Variants in SLCO3A1 observed in about 807,000 individuals in gnomAD.
SLCO3A1 encodes the protein PGE1 transporter.
In SLCO3A1, 27 loss-of-function variants were observed where a neutral mutation model predicts 63.1. The ratio of observed to expected loss-of-function variants is 0.43; its 90% CI spans 0.32 to 0.59. The LOEUF is 0.59. Ranked by LOEUF, SLCO3A1 falls within the 20% of genes least tolerant of loss-of-function variation. The pLI is 0.09. For synonymous variants in SLCO3A1, 473 were observed against 409.9 expected (o/e 1.15, Z -1.86); for missense variants, 773 against 945.8 (o/e 0.82, Z 2.40).
At chr15:91,989,517 G>A (rs1050556007) in intron 2 of SLCO3A1, among the ~76,000 whole-genome samples, 2 of 152,170 alleles carry the variant, frequency 1.3e-5, no homozygotes, top group South Asian at 4.1e-4. Context: ...AAATGAATAG[G>A]ATGCAATCAC....
In SLCO3A1 at chr15:91,854,229, C is replaced by T; in HGVS notation, c.180+141C>T. On this transcript the variant is annotated intron_variant, in intron 1 of 9. Transcript: ENST00000318445. This position sits in a 1 kb window ranked among gnomAD's most constrained non-coding sequence, Gnocchi z 6.4. ...CCGGCGTGGAGGTTGGCGAGTGGTG[C>T]AGAGGCGGCCGCCGGGGGAGCTGCC... The T allele has an allele frequency of 9.1e-7, 1 of 1,095,926 alleles. No homozygotes were observed. The highest frequency in any genetic ancestry group is 1.2e-6 in the Non-Finnish European group (1 of 867,112). 67.9% of individuals were successfully genotyped at this position (1,095,926 alleles called of 1,614,324 possible). A position where few individuals can be genotyped will look rare whatever the true frequency, so the allele number is the denominator to read the frequency against.
chr15:92,045,707 A>G (rs577133268), intron 2 of SLCO3A1, among the ~76,000 whole-genome samples: 1 of 152,298 alleles, frequency 6.6e-6, no homozygotes, highest in Admixed American at 6.5e-5. Context: ...TGGACATTAT[A>G]TGATTTAGAA....
intron 1 of SLCO3A1, among the ~76,000 whole-genome samples, chr15:91,909,015 C>T (rs1898400173): frequency 1.3e-5 from 2 of 152,170 alleles, no homozygotes; most frequent in African/African-American, 4.8e-5. Context: ...GAGCCGAGGT[C>T]GCGCCATTGC....
intron 1 of SLCO3A1, among the ~76,000 whole-genome samples, chr15:91,914,241 CCTCT>C (rs766601093): frequency 1.3e-5 from 2 of 152,188 alleles, no homozygotes; most frequent in African/African-American, 2.4e-5. Flanking sequence ...TGTTTTGCTG[CCTCT>C]CTCCATGCAC....
Position 91,978,780 on chromosome 15 carries a change from G to C in SLCO3A1, c.646+62322G>C, listed in dbSNP as rs528413607. Among the ~76,000 whole-genome samples, 4 of 152,342 alleles carry C rather than the reference G, an allele frequency of 2.6e-5. No individual in the cohort carries two copies. The South Asian group carries it at 6.2e-4, about 24-fold the overall frequency. On this transcript the variant is annotated intron_variant, in intron 2 of 9. Coordinates refer to ENST00000318445, the MANE Select transcript of SLCO3A1 (RefSeq NM_013272.4). Reference sequence around the variant, plus strand: ...ATGAATACTACTGTTAGGAACAGGAGTCTCACAAAGGTTCAAACTTTCCAC... The same window carrying C: ...ATGAATACTACTGTTAGGAACAGGACTCTCACAAAGGTTCAAACTTTCCAC...
chr15:92,101,749 G>A (rs548052708), intron 3 of SLCO3A1, among the ~76,000 whole-genome samples: 1 of 152,330 alleles, frequency 6.6e-6, no homozygotes, highest in African/African-American at 2.4e-5. Flanking sequence ...AGTGATGAGT[G>A]TCTTGGATCT....
chr15:92,065,347 C>A (rs554887136), intron 2 of SLCO3A1, among the ~76,000 whole-genome samples: 1 of 152,190 alleles, frequency 6.6e-6, no homozygotes, highest in African/African-American at 2.4e-5. Context: ...CTCGGCCTCC[C>A]AAAATGCTGG....
chr15:91,921,300 A>G (rs1898835820), intron 2 of SLCO3A1, among the ~76,000 whole-genome samples: 1 of 152,146 alleles, frequency 6.6e-6, no homozygotes, highest in Non-Finnish European at 1.5e-5. Context: ...CACCCATATT[A>G]GCTCATTTAA....
At chr15:91,858,670 T>C (rs1896981459) in intron 1 of SLCO3A1, among the ~76,000 whole-genome samples, 1 of 152,238 alleles carries the variant, frequency 6.6e-6, no homozygotes, top group Non-Finnish European at 1.5e-5. Context: ...GCCCAGCATT[T>C]GCAGCTCATC....
chr15:92,030,904 A>T (rs1304266395), intron 2 of SLCO3A1, among the ~76,000 whole-genome samples: 2 of 152,046 alleles, frequency 1.3e-5, no homozygotes, highest in Non-Finnish European at 2.9e-5. Context: ...TTAAAAACAG[A>T]TGCCAACCTA....
intron 2 of SLCO3A1, among the ~76,000 whole-genome samples, chr15:92,079,778 G>A (rs934777611): frequency 6.6e-6 from 1 of 152,272 alleles, no homozygotes; most frequent in Non-Finnish European, 1.5e-5. Flanking sequence ...GCCTCCTGCT[G>A]TTGCTAAGTT....
chr15:92,074,784 G>C (rs532971544), intron 2 of SLCO3A1, among the ~76,000 whole-genome samples: 63 of 151,866 alleles, frequency 4.1e-4, no homozygotes, highest in African/African-American at 1.4e-3. Flanking sequence ...AGGGCGGTGG[G>C]GGGTGGCCAG....
chr15:92,171,466 CATAAG>C (rs1340126841), intron 10 of SLCO3A1: 3 of 254,092 alleles, frequency 1.2e-5, no homozygotes, highest in Admixed American at 5.1e-5. Context: ...TAGTAATTTA[CATAAG>C]ATAAGGATAA....
intron 5 of SLCO3A1, among the ~76,000 whole-genome samples, chr15:92,125,477 A>G (rs931471427): frequency 6.6e-5 from 10 of 152,296 alleles, no homozygotes; most frequent in South Asian, 4.1e-4. Context: ...ACCAAGAGCT[A>G]CAAAACATAT....
chr15:91,878,013 C>G (rs868766927), intron 1 of SLCO3A1, among the ~76,000 whole-genome samples: 3 of 148,908 alleles, frequency 2.0e-5, no homozygotes, highest in Middle Eastern at 3.5e-3. Context: ...ACTGTGCTGA[C>G]AACATGAGGC....
At chr15:92,049,022 A>G (rs2046925072) in intron 2 of SLCO3A1, among the ~76,000 whole-genome samples, 1 of 152,250 alleles carries the variant, frequency 6.6e-6, no homozygotes, top group South Asian at 2.1e-4. Context: ...GAGAGGTTAT[A>G]TGTGAAAGGA....
intron 2 of SLCO3A1, among the ~76,000 whole-genome samples, chr15:91,958,815 C>T (rs939631085): frequency 6.6e-6 from 1 of 152,090 alleles, no homozygotes; most frequent in Non-Finnish European, 1.5e-5. Flanking sequence ...TTTCCCACTG[C>T]TAGCGGGAAT....
chr15:91,878,513 T>C (rs865904963), intron 1 of SLCO3A1, among the ~76,000 whole-genome samples: 1 of 152,182 alleles, frequency 6.6e-6, no homozygotes, highest in African/African-American at 2.4e-5. Context: ...CTTCTAAATA[T>C]TGGCCCCTAC....
chr15:91,936,360 C>G (rs1425130836), intron 2 of SLCO3A1, among the ~76,000 whole-genome samples: 6 of 152,206 alleles, frequency 3.9e-5, no homozygotes, highest in Admixed American at 3.9e-4. Flanking sequence ...TTTAAATTAA[C>G]AAAGCCAAAT....
Sources: gnomAD v4.1 joint callset for allele counts (sites outside exome capture counted in the v4.1 genomes callset) on GRCh38, gnomAD v4.1.1 for gene constraint, Gnocchi (gnomAD v3.1) non-coding constraint, MANE v1.5 for transcripts, NCBI Gene and HGNC (gene_info 2026-07-23, HGNC 2026-07-21) for gene names.